RHBDD1: variants seen among roughly 807,000 people sequenced by gnomAD.
The protein encoded by RHBDD1 is rhomboid-related protein 4.
RHBDD1 carries 38 observed loss-of-function variants against 36.3 expected under a neutral mutation model. The observed-to-expected ratio is 1.05, with a 90% CI of 0.81 to 1.37. The LOEUF (loss-of-function observed/expected upper bound fraction) is 1.37, where lower values mean the gene tolerates loss of function less well. Among genes scored for constraint, RHBDD1 ranks in the 40% most tolerant of loss-of-function variants. The pLI is 0.00. For missense variants in RHBDD1, 393 were observed against 377.6 expected, an observed-to-expected ratio of 1.04 and a Z score of -0.34; for synonymous variants, 151 against 136.5, an observed-to-expected ratio of 1.11 and a Z score of -0.74.
chr2:226,916,488 G>A (rs370077845), intron 8 of RHBDD1, among the ~76,000 whole-genome samples: 1 of 152,116 alleles, frequency 6.6e-6, no homozygotes, highest in African/African-American at 2.4e-5. Context: ...GTAGGGCAGG[G>A]CAAAACTTCT....
chr2:226,989,850 A>G (rs1054743854), intron 8 of RHBDD1, among the ~76,000 whole-genome samples: 10 of 152,182 alleles, frequency 6.6e-5, no homozygotes, highest in Non-Finnish European at 1.2e-4. Context: ...TCTATTTCAC[A>G]ATGCAGGGTG....
chr2:226,935,633 TA>T (rs1278263468), intron 8 of RHBDD1, among the ~76,000 whole-genome samples: 6 of 116,706 alleles, frequency 5.1e-5, no homozygotes, highest in Admixed American at 1.7e-4. Context: ...ATCTCAGTTT[TA>T]TTTTTTTTTT....
chr2:226,862,353 C>CT (rs565626444), intron 3 of RHBDD1, among the ~76,000 whole-genome samples: 3,720 of 130,548 alleles, frequency 0.028, 62 homozygotes, highest in Middle Eastern at 0.044. Context: ...AGAATCCTGC[C>CT]TTTTTTTTTT....
In RHBDD1 at chr2:226,995,704, G is replaced by T; in HGVS notation, c.*182G>T. 1 of 600,466 alleles carries T rather than the reference G, an allele frequency of 1.7e-6. No individual in the cohort carries two copies. The highest frequency in any genetic ancestry group is 2.8e-5 in the East Asian group (1 of 35,596). The allele number at this position is 600,466 out of a possible 1,614,324, so 37.2% of individuals were successfully genotyped here. ...CTATGAGTCAACTCACAGCTTGCGG[G>T]GAGTGGGCCTTCTCCTGGCCTTGTT... On this transcript the variant is annotated 3_prime_UTR_variant, in exon 9 of 9. Transcript: ENST00000392062.
chr2:226,972,200 T>A (rs1260254550), intron 8 of RHBDD1, among the ~76,000 whole-genome samples: 1 of 152,170 alleles, frequency 6.6e-6, no homozygotes, highest in African/African-American at 2.4e-5. Context: ...GTTCCTGTGT[T>A]AGTTTGCTGA....
At chr2:226,893,368 A>G (rs1341189871) in intron 5 of RHBDD1, among the ~76,000 whole-genome samples, 1 of 152,224 alleles carries the variant, frequency 6.6e-6, no homozygotes, top group African/African-American at 2.4e-5. Context: ...TTTTGTCTAT[A>G]GTAATAGCAG....
the RHBDD1 span, among the ~76,000 whole-genome samples, chr2:226,826,640 C>T: frequency 3.2e-4 from 49 of 151,900 alleles, no homozygotes; most frequent in Middle Eastern, 3.4e-3. Context: ...CCTGCCTCAG[C>T]CTCCTAAGTA....
At chr2:226,969,077 G>A in intron 8 of RHBDD1, 1 of 206,890 alleles carries the variant, frequency 4.8e-6, no homozygotes. Flanking sequence ...TGGCTAATGT[G>A]AGATGGGCTC....
chr2:226,959,729 G>A (rs1168146887), intron 8 of RHBDD1, among the ~76,000 whole-genome samples: 1 of 152,152 alleles, frequency 6.6e-6, no homozygotes, highest in Non-Finnish European at 1.5e-5. Flanking sequence ...ACAAGTATTT[G>A]TAAGGACATA....
intron 5 of RHBDD1, among the ~76,000 whole-genome samples, chr2:226,872,160 A>G (rs1944844979): frequency 6.6e-6 from 1 of 152,210 alleles, no homozygotes; most frequent in Non-Finnish European, 1.5e-5. Flanking sequence ...TCTTAGTTTT[A>G]TGGACTTCAA....
At chr2:226,822,059 CA>C in the RHBDD1 span, among the ~76,000 whole-genome samples, 1 of 152,110 alleles carries the variant, frequency 6.6e-6, no homozygotes, top group East Asian at 1.9e-4. Flanking sequence ...GTGAACTTCC[CA>C]ATTTTCTATG....
At chr2:226,891,246 G>C (rs1333870731) in intron 5 of RHBDD1, among the ~76,000 whole-genome samples, 1 of 152,104 alleles carries the variant, frequency 6.6e-6, no homozygotes, top group Non-Finnish European at 1.5e-5. Context: ...CTGTGGTTGT[G>C]GGAGGAATTC....
At chr2:226,878,383 C>G (rs1048133472) in intron 5 of RHBDD1, among the ~76,000 whole-genome samples, 7 of 152,286 alleles carry the variant, frequency 4.6e-5, no homozygotes, top group Admixed American at 4.6e-4. Flanking sequence ...CAAAGTTTCC[C>G]ACTCAGCCAT....
At chr2:226,852,118 T>G (rs1425880382) in intron 3 of RHBDD1, among the ~76,000 whole-genome samples, 1 of 152,164 alleles carries the variant, frequency 6.6e-6, no homozygotes, top group African/African-American at 2.4e-5. Flanking sequence ...CTTCTTGAAT[T>G]TTGTTGAATC....
At chr2:226,988,814 C>T (rs1490776701) in intron 8 of RHBDD1, 1 of 619,808 alleles carries the variant, frequency 1.6e-6, no homozygotes, top group African/African-American at 2.0e-5. Context: ...TGAGAGTTAA[C>T]TACCAAGGCT....
intron 3 of RHBDD1, among the ~76,000 whole-genome samples, chr2:226,842,371 A>T (rs775253925): frequency 2.0e-5 from 3 of 152,154 alleles, no homozygotes; most frequent in African/African-American, 4.8e-5. Context: ...GCCCATACCT[A>T]TGTCCTGAAT....
chr2:226,994,600 C>T (rs1559368727), intron 8 of RHBDD1, among the ~76,000 whole-genome samples: 1 of 152,260 alleles, frequency 6.6e-6, no homozygotes, highest in South Asian at 2.1e-4. Context: ...AAGTAAACCT[C>T]TACTTACCCG....
intron 8 of RHBDD1, among the ~76,000 whole-genome samples, chr2:226,929,311 T>C (rs1473513158): frequency 3.3e-5 from 5 of 152,146 alleles, no homozygotes; most frequent in African/African-American, 1.2e-4. Flanking sequence ...CATGAACAAA[T>C]GAGTGTCATC....
At chr2:226,906,560 T>A (rs114838403) in intron 5 of RHBDD1, among the ~76,000 whole-genome samples, 63 of 152,294 alleles carry the variant, frequency 4.1e-4, no homozygotes, top group Middle Eastern at 3.4e-3. Flanking sequence ...TTCCCCTGGT[T>A]AAGGAGGGGT....
Sources: gnomAD v4.1 joint callset for allele counts (sites outside exome capture counted in the v4.1 genomes callset) on GRCh38, gnomAD v4.1.1 for gene constraint, MANE v1.5 for transcripts, NCBI Gene and HGNC (gene_info 2026-07-23, HGNC 2026-07-21) for gene names.